DIAPH2: variants seen among roughly 807,000 people sequenced by gnomAD.
The protein encoded by DIAPH2 is protein diaphanous homolog 2.
Under a neutral mutation model 92.7 loss-of-function variants are expected in DIAPH2, and 35 were observed. The observed-to-expected ratio is 0.38, with a 90% CI of 0.29 to 0.50. The LOEUF is 0.50. DIAPH2 is among the 20% of genes least tolerant of loss of function. DIAPH2 has a pLI of 0.94. For synonymous variants in DIAPH2, 301 were observed against 280.4 expected, an observed-to-expected ratio of 1.07 and a Z score of -0.73; for missense variants, 701 against 819.5, an observed-to-expected ratio of 0.86 and a Z score of 1.77.
Position 96,937,242 on chromosome X carries a change from G to T in DIAPH2, c.1099G>T (p.Glu367Ter). 1 of 1,119,060 alleles carries T rather than the reference G, an allele frequency of 8.9e-7. No individual in the cohort carries two copies. The highest frequency in any genetic ancestry group is 1.2e-6 in the Non-Finnish European group (1 of 829,191). The allele number at this position is 1,119,060 out of a possible 1,213,427, so 92.2% of individuals were successfully genotyped here. A position where few individuals can be genotyped will look rare whatever the true frequency, so the allele number is the denominator to read the frequency against. ...GLKTMLPDLK[E>*]KENDELDIQL... ...TATGTTTATATATTAGGATCTAAAAGAAAAAGAGAATGATGAGCTTGATAT... is the reference window on the plus strand; with the variant it reads ...TATGTTTATATATTAGGATCTAAAATAAAAAGAGAATGATGAGCTTGATAT... Residue 367 changes from glutamate to a stop codon, truncating the protein, a stop_gained, in exon 11 of 27, where the codon GAA (glutamate) becomes TAA (stop). Transcript: ENST00000324765. LOFTEE classifies it high-confidence loss of function.
intron 22 of DIAPH2, among the ~76,000 whole-genome samples, chrX:97,153,572 C>T (rs758699536): frequency 5.4e-5 from 6 of 111,060 alleles, no homozygotes; most frequent in Admixed American, 9.6e-5. Context: ...GCAACAAGAA[C>T]GAAACTCTGT....
At chrX:97,249,762 A>G (rs1315270134) in intron 23 of DIAPH2, among the ~76,000 whole-genome samples, 1 of 111,651 alleles carries the variant, frequency 9.0e-6, no homozygotes, top group Admixed American at 9.5e-5. Context: ...GGCAATGCTA[A>G]AAGAGAAAGA....
chrX:97,165,156 T>A (rs1456495462), intron 22 of DIAPH2, among the ~76,000 whole-genome samples: 3 of 111,584 alleles, frequency 2.7e-5, no homozygotes, highest in Non-Finnish European at 5.6e-5. Context: ...GCTCTAGACT[T>A]AATATGCTAG....
At chrX:97,464,296 C>CAAAA (rs2070488888) in intron 26 of DIAPH2, among the ~76,000 whole-genome samples, 1 of 11,754 alleles carries the variant, frequency 8.5e-5, no homozygotes, top group Non-Finnish European at 1.4e-4. Context: ...CCCATCTCTA[C>CAAAA]TAAAAAAAAA....
At chrX:97,479,290 A>T (rs1300586190) in intron 26 of DIAPH2, among the ~76,000 whole-genome samples, 1 of 110,161 alleles carries the variant, frequency 9.1e-6, no homozygotes, top group East Asian at 2.9e-4. Context: ...TGTGCTTTCT[A>T]CTCTAAAGGT....
intron 4 of DIAPH2, among the ~76,000 whole-genome samples, chrX:96,761,385 G>A (rs1191673236): frequency 6.4e-5 from 7 of 108,843 alleles, no homozygotes; most frequent in Non-Finnish European, 1.2e-4. Context: ...ATTTAAAATA[G>A]TGGTGCTAGC....
chrX:96,911,287 A>C (rs1330203944), intron 5 of DIAPH2, among the ~76,000 whole-genome samples: 1 of 111,840 alleles, frequency 8.9e-6, no homozygotes, highest in Non-Finnish European at 1.9e-5. Flanking sequence ...CAGGCTTATT[A>C]AAGGAAAGAT....
intron 26 of DIAPH2, among the ~76,000 whole-genome samples, chrX:97,439,428 C>A (rs2070229493): frequency 9.0e-6 from 1 of 110,786 alleles, no homozygotes; most frequent in African/African-American, 3.3e-5. Context: ...CAAAAATTAG[C>A]TGGGCGTGGT....
At chrX:97,598,312 G>C (rs1198519072) in intron 26 of DIAPH2, among the ~76,000 whole-genome samples, 1 of 112,157 alleles carries the variant, frequency 8.9e-6, no homozygotes, top group African/African-American at 3.2e-5. Context: ...TAATAGGATA[G>C]AATGAAATGG....
intron 21 of DIAPH2, among the ~76,000 whole-genome samples, chrX:97,140,756 C>T (rs1408647468): frequency 9.0e-6 from 1 of 111,664 alleles, no homozygotes; most frequent in Non-Finnish European, 1.9e-5. Context: ...TCCTGTACAG[C>T]CTTTTCATAA....
At position 97,341,733 on chromosome X, in the gene DIAPH2, G is replaced by A. The variant is rs372034430; in HGVS notation, c.2845-6383G>A. 4.5e-5 allele frequency among the ~76,000 whole-genome samples: 5 copies of A among 111,249 alleles called. No homozygotes were observed. In the Admixed American group the frequency reaches 4.8e-4, roughly 11 times the overall value. Reference sequence around the variant, plus strand: ...TGTCCCAGGGCAAGAGATGATAGACGGCTCAGCTCCAGAAGAGAGAGAGAG... The same window carrying A: ...TGTCCCAGGGCAAGAGATGATAGACAGCTCAGCTCCAGAAGAGAGAGAGAG... On this transcript the variant is annotated intron_variant, in intron 23 of 26. Transcript: ENST00000324765.
At chrX:97,378,113 C>G (rs1482992429) in intron 24 of DIAPH2, among the ~76,000 whole-genome samples, 1 of 110,891 alleles carries the variant, frequency 9.0e-6, no homozygotes, top group South Asian at 3.8e-4. Flanking sequence ...CTGGGCACAG[C>G]AGCACACACC....
intron 26 of DIAPH2, among the ~76,000 whole-genome samples, chrX:97,578,078 A>G (rs1320846377): frequency 4.2e-5 from 3 of 71,068 alleles, no homozygotes; most frequent in African/African-American, 1.4e-4. Flanking sequence ...TCTCTTTGAG[A>G]AAACTGTTTT....
At chrX:96,944,595 C>T (rs186265727) in intron 13 of DIAPH2, among the ~76,000 whole-genome samples, 340 of 111,867 alleles carry the variant, frequency 3.0e-3, no homozygotes, top group Non-Finnish European at 5.2e-3. Context: ...TCATTAGTTG[C>T]ATTTTTTAAA....
chrX:96,851,433 C>T (rs2147712867), intron 4 of DIAPH2, among the ~76,000 whole-genome samples: 1 of 111,898 alleles, frequency 8.9e-6, no homozygotes, highest in Admixed American at 9.5e-5. Context: ...TACAGTTGTC[C>T]TTAGGTGTCT....
At chrX:96,969,272 A>C (rs2065912461) in intron 17 of DIAPH2, among the ~76,000 whole-genome samples, 1 of 111,375 alleles carries the variant, frequency 9.0e-6, no homozygotes, top group Non-Finnish European at 1.9e-5. Flanking sequence ...GAAAAATGAC[A>C]TTGGTAGTTT....
intron 7 of DIAPH2, among the ~76,000 whole-genome samples, 184 bp from the exon 8 acceptor site, chrX:96,916,254 C>T (rs940328639): frequency 9.0e-6 from 1 of 110,712 alleles, no homozygotes; most frequent in African/African-American, 3.3e-5. Flanking sequence ...GCAACAACTC[C>T]AAGATGCAGT....
chrX:97,062,622 C>A (rs1302090344), intron 17 of DIAPH2, among the ~76,000 whole-genome samples: 1 of 111,582 alleles, frequency 9.0e-6, no homozygotes, highest in Non-Finnish European at 1.9e-5. Context: ...AACAAGAGAA[C>A]TTAAAGCTTA....
intron 22 of DIAPH2, among the ~76,000 whole-genome samples, chrX:97,182,385 T>G (rs1249048520): frequency 1.8e-5 from 2 of 111,438 alleles, no homozygotes; most frequent in Admixed American, 9.6e-5. Flanking sequence ...GAATGCCATG[T>G]TAAGGATTTT....
Sources: gnomAD v4.1 joint callset for allele counts (sites outside exome capture counted in the v4.1 genomes callset) on GRCh38, gnomAD v4.1.1 for gene constraint, MANE v1.5 for transcripts, NCBI Gene and HGNC (gene_info 2026-07-23, HGNC 2026-07-21) for gene names.